The following ASB7 variants were observed in gnomAD, a reference collection of about 807,000 sequenced individuals.
ASB7 encodes the protein ankyrin repeat and SOCS box protein 7.
Under a neutral mutation model 32.5 loss-of-function variants are expected in ASB7, and 4 were observed. The observed-to-expected ratio is 0.12, with a 90% CI of 0.06 to 0.28. The LOEUF is 0.28. ASB7 is among the 10% of genes least tolerant of loss of function. The pLI is 1.00. For synonymous variants in ASB7, 172 were observed against 155.6 expected, an observed-to-expected ratio of 1.11 and a Z score of -0.78; for missense variants, 181 against 407.1, an observed-to-expected ratio of 0.44 and a Z score of 4.78.
At chr15:100,646,083 A>C in intron 5 of ASB7, 1 of 398,642 alleles carries the variant, frequency 2.5e-6, no homozygotes, top group Non-Finnish European at 5.0e-6. Flanking sequence ...CTGAGCTATC[A>C]ATAGCTGTGG....
In ASB7 at chr15:100,629,154, GAC is replaced by G. The variant is rs1439142740; in HGVS notation, c.212-281_212-280del. On this transcript the variant is annotated intron_variant, in intron 4 of 5. Transcript: ENST00000332783. This position sits in a 1 kb window ranked among gnomAD's most constrained non-coding sequence, Gnocchi z 6.8. ...AGAGGCAGTTGGTTAAATTAGCAAA[GAC>G]AGGGGATGTGGTGATCTGTACTCCG... 1.3e-5 allele frequency among the ~76,000 whole-genome samples: 2 copies of G among 152,222 alleles called. No homozygotes were observed. The highest frequency in any genetic ancestry group is 4.8e-5 in the African/African-American group (2 of 41,458).
At chr15:100,611,094 G>A (rs2039691603) in intron 3 of ASB7, among the ~76,000 whole-genome samples, 1 of 152,152 alleles carries the variant, frequency 6.6e-6, no homozygotes, top group Non-Finnish European at 1.5e-5. Flanking sequence ...TCCCAGGCTG[G>A]AGTGCAGTGG....
At chr15:100,608,726 A>G (rs2039669508) in intron 2 of ASB7, among the ~76,000 whole-genome samples, 1 of 152,218 alleles carries the variant, frequency 6.6e-6, no homozygotes, top group South Asian at 2.1e-4. Flanking sequence ...ATTTTAAAAC[A>G]AATTTTATTT....
intron 4 of ASB7, among the ~76,000 whole-genome samples, chr15:100,614,080 T>G (rs150053087): frequency 0.021 from 3,130 of 152,090 alleles, 122 homozygotes; most frequent in African/African-American, 0.073. Context: ...TGAGACCAGC[T>G]TGGCCAACGT....
At chr15:100,625,397 T>A (rs1421949795) in intron 4 of ASB7, among the ~76,000 whole-genome samples, 2 of 152,168 alleles carry the variant, frequency 1.3e-5, no homozygotes, top group Non-Finnish European at 2.9e-5. Flanking sequence ...CACAAGTCAG[T>A]GTATAAAAAT....
At chr15:100,610,556 A>G (rs1596997871) in intron 3 of ASB7, among the ~76,000 whole-genome samples, 1 of 152,146 alleles carries the variant, frequency 6.6e-6, no homozygotes, top group African/African-American at 2.4e-5. Flanking sequence ...AGCTATTTGT[A>G]GAAGTAGCTT....
intron 2 of ASB7, among the ~76,000 whole-genome samples, 161 bp downstream of exon 2, chr15:100,603,474 G>C (rs1596992256): frequency 8.0e-6 from 1 of 125,236 alleles, no homozygotes; most frequent in Non-Finnish European, 1.6e-5. Flanking sequence ...ACCCGTGCCT[G>C]ATACTTAACA....
At chr15:100,642,762 C>A (rs966821507) in intron 5 of ASB7, among the ~76,000 whole-genome samples, 1 of 152,258 alleles carries the variant, frequency 6.6e-6, no homozygotes, top group African/African-American at 2.4e-5. Flanking sequence ...TGCGGCCGGG[C>A]GCGGTGGCTC....
chr15:100,630,252 TA>T (rs1385256484), intron 5 of ASB7: 12 of 1,218,366 alleles, frequency 9.8e-6, no homozygotes, highest in African/African-American at 7.7e-5. Context: ...CTAAATGTAA[TA>T]GGGGTAGACA....
At chr15:100,604,024 A>G (rs2039611389) in intron 2 of ASB7, among the ~76,000 whole-genome samples, 1 of 152,228 alleles carries the variant, frequency 6.6e-6, no homozygotes, top group African/African-American at 2.4e-5. Context: ...TGTTTCTTAC[A>G]CCTCAGATTT....
At chr15:100,643,143 A>G (rs2039972714) in intron 5 of ASB7, among the ~76,000 whole-genome samples, 1 of 151,940 alleles carries the variant, frequency 6.6e-6, no homozygotes. Flanking sequence ...CAGTGACCTC[A>G]GTTCCCTTGT....
intron 5 of ASB7, chr15:100,645,963 C>G (rs2039994644): frequency 1.9e-6 from 1 of 536,030 alleles, no homozygotes; most frequent in African/African-American, 1.9e-5. Context: ...GCTCTGTTTT[C>G]TGTTTCTTTC....
At chr15:100,635,131 G>A (rs2039913614) in intron 5 of ASB7, among the ~76,000 whole-genome samples, 1 of 152,260 alleles carries the variant, frequency 6.6e-6, no homozygotes, top group South Asian at 2.1e-4. Flanking sequence ...CTGTTGGGGG[G>A]TCACCTTGTC....
intron 4 of ASB7, among the ~76,000 whole-genome samples, chr15:100,619,696 G>C (rs1370575629): frequency 2.6e-5 from 4 of 152,128 alleles, no homozygotes; most frequent in African/African-American, 9.7e-5. Flanking sequence ...ATACCCGCCT[G>C]GTAAAACCAC....
At chr15:100,606,864 T>C (rs2039649199) in intron 2 of ASB7, among the ~76,000 whole-genome samples, 1 of 152,024 alleles carries the variant, frequency 6.6e-6, no homozygotes, top group Admixed American at 6.6e-5. Flanking sequence ...ACTTACAAAA[T>C]TACCTCCTGG....
intron 5 of ASB7, among the ~76,000 whole-genome samples, chr15:100,638,972 T>C (rs955232758): frequency 6.6e-6 from 1 of 152,132 alleles, no homozygotes; most frequent in Non-Finnish European, 1.5e-5. Flanking sequence ...CTGGTCTAGG[T>C]GATTCTTAAG....
At chr15:100,624,522 G>T (rs1272119431) in intron 4 of ASB7, among the ~76,000 whole-genome samples, 4 of 152,152 alleles carry the variant, frequency 2.6e-5, no homozygotes, top group African/African-American at 9.7e-5. Flanking sequence ...GAGTATAATG[G>T]GCACCTTTGT....
At chr15:100,630,569 A>G (rs1311630622) in intron 5 of ASB7, among the ~76,000 whole-genome samples, 3 of 152,204 alleles carry the variant, frequency 2.0e-5, no homozygotes, top group African/African-American at 7.2e-5. Context: ...CACTCGTGGA[A>G]GTTAAGGATG....
chr15:100,612,069 C>T, intron 3 of ASB7, 97 bp from the exon 4 acceptor site: 1 of 724,260 alleles, frequency 1.4e-6, no homozygotes, highest in Non-Finnish European at 2.4e-6. Flanking sequence ...GTAAGGTTTA[C>T]TGATGTAGCA....
Sources: gnomAD v4.1 joint callset for allele counts (sites outside exome capture counted in the v4.1 genomes callset) on GRCh38, gnomAD v4.1.1 for gene constraint, Gnocchi (gnomAD v3.1) non-coding constraint, MANE v1.5 for transcripts, NCBI Gene and HGNC (gene_info 2026-07-23, HGNC 2026-07-21) for gene names.